The following SPAG16 variants were observed in gnomAD, a reference collection of about 807,000 sequenced individuals.
The protein encoded by SPAG16 is sperm associated antigen 16.
A neutral mutation model predicts 80.4 loss-of-function variants in SPAG16; 86 were observed. The observed-to-expected ratio is 1.07, with a 90% confidence interval of 0.90 to 1.28. The LOEUF is 1.28. Among genes scored for constraint, SPAG16 ranks in the 50% most tolerant of loss-of-function variants. The pLI is 0.00. For synonymous variants in SPAG16, 294 were observed against 265.9 expected (o/e 1.11, Z -1.03); for missense variants, 870 against 765.3 (o/e 1.14, Z -1.61).
intron 11 of SPAG16, among the ~76,000 whole-genome samples, chr2:213,908,561 A>G (rs1483926363): frequency 6.6e-6 from 1 of 152,118 alleles, no homozygotes; most frequent in African/African-American, 2.4e-5. Context: ...TAACGCTGAA[A>G]TCTACCTCTC....
At chr2:213,588,771 C>T (rs1251498332) in intron 10 of SPAG16, among the ~76,000 whole-genome samples, 53 of 126,772 alleles carry the variant, frequency 4.2e-4, no homozygotes, top group African/African-American at 1.4e-3. Context: ...CACTGCAGTC[C>T]GCAGTCCGGC....
chr2:214,280,198 T>C (rs1317874703), intron 15 of SPAG16, among the ~76,000 whole-genome samples: 2 of 152,182 alleles, frequency 1.3e-5, no homozygotes, highest in Non-Finnish European at 2.9e-5. Flanking sequence ...TAATTCACCA[T>C]GCGAACTAAA....
chr2:213,581,547 AAC>A (rs2060297823), intron 10 of SPAG16, among the ~76,000 whole-genome samples: 1 of 152,044 alleles, frequency 6.6e-6, no homozygotes, highest in South Asian at 2.1e-4. Flanking sequence ...TTCTTCAGAA[AAC>A]CACCCTTGAT....
At chr2:214,278,591 A>G (rs1208072217) in intron 15 of SPAG16, among the ~76,000 whole-genome samples, 1 of 152,184 alleles carries the variant, frequency 6.6e-6, no homozygotes, top group Non-Finnish European at 1.5e-5. Flanking sequence ...TAAATGCCTT[A>G]TAAATCTTGA....
At chr2:213,715,543 G>C (rs2066205954) in intron 10 of SPAG16, among the ~76,000 whole-genome samples, 1 of 152,100 alleles carries the variant, frequency 6.6e-6, no homozygotes, top group South Asian at 2.1e-4. Flanking sequence ...CTGTTCCTCT[G>C]GCATCTTATC....
intron 15 of SPAG16, among the ~76,000 whole-genome samples, chr2:214,155,292 C>T (rs1459923499): frequency 6.6e-6 from 1 of 152,290 alleles, no homozygotes; most frequent in East Asian, 1.9e-4. Context: ...TTTGTGTTCG[C>T]ACCAACAAGA....
At chr2:213,457,880 T>C (rs188232449) in intron 9 of SPAG16, among the ~76,000 whole-genome samples, 27 of 127,034 alleles carry the variant, frequency 2.1e-4, no homozygotes, top group Admixed American at 2.0e-3. Context: ...TCTTCTTTTA[T>C]TTTTTTTTTC....
chr2:213,353,019 C>G (rs1302352722), intron 7 of SPAG16, among the ~76,000 whole-genome samples: 4 of 152,134 alleles, frequency 2.6e-5, no homozygotes, highest in Admixed American at 6.6e-5. Context: ...TTTTATTCTT[C>G]CCCAGATGGT....
At chr2:213,915,135 T>G (rs915583065) in intron 11 of SPAG16, among the ~76,000 whole-genome samples, 5 of 152,046 alleles carry the variant, frequency 3.3e-5, no homozygotes, top group African/African-American at 4.8e-5. Flanking sequence ...ACCTCTTTTT[T>G]TTTTTTAATT....
chr2:214,145,399 A>T lies in SPAG16; in HGVS notation c.1594-3741A>T, dbSNP rs923302652. On this transcript the variant is annotated intron_variant, in intron 14 of 15. Coordinates refer to ENST00000331683, the MANE Select transcript of SPAG16 (RefSeq NM_024532.5). ...TAAATAATGCTACATTGGTTTTTTCATAATACATTTTTCTTTAATTTATAA... is the reference window on the plus strand; with the variant it reads ...TAAATAATGCTACATTGGTTTTTTCTTAATACATTTTTCTTTAATTTATAA... Among the ~76,000 whole-genome samples, 3 of 152,200 alleles carry T rather than the reference A, an allele frequency of 2.0e-5. No homozygotes were observed. The East Asian group carries it at 5.8e-4, about 29-fold the overall frequency.
chr2:214,047,347 A>C (rs2049384506), intron 13 of SPAG16, among the ~76,000 whole-genome samples: 1 of 152,178 alleles, frequency 6.6e-6, no homozygotes, highest in Non-Finnish European at 1.5e-5. Context: ...AAGCAGGTAC[A>C]TAGACCAATG....
chr2:213,696,563 G>A (rs186898165), intron 10 of SPAG16, among the ~76,000 whole-genome samples: 5 of 152,216 alleles, frequency 3.3e-5, no homozygotes, highest in Admixed American at 2.0e-4. Flanking sequence ...AGCAAGATAG[G>A]TGAAAAGACA....
At chr2:214,115,220 C>A (rs1237683810) in intron 14 of SPAG16, among the ~76,000 whole-genome samples, 1 of 152,282 alleles carries the variant, frequency 6.6e-6, no homozygotes, top group South Asian at 2.1e-4. Flanking sequence ...GGTTGAGAAG[C>A]AGCTGTGACT....
At chr2:214,362,356 T>G (rs754807423) in intron 15 of SPAG16, among the ~76,000 whole-genome samples, 6 of 151,914 alleles carry the variant, frequency 3.9e-5, no homozygotes, top group Non-Finnish European at 8.8e-5. Flanking sequence ...GAATTCCATG[T>G]TTAAGGAAGA....
At chr2:213,477,009 A>G (rs1393678914) in intron 9 of SPAG16, among the ~76,000 whole-genome samples, 3 of 152,152 alleles carry the variant, frequency 2.0e-5, no homozygotes, top group Non-Finnish European at 4.4e-5. Flanking sequence ...CCATCTGTGA[A>G]GCTGAGTCGG....
chr2:213,968,865 G>A (rs775261116), intron 12 of SPAG16, among the ~76,000 whole-genome samples: 1 of 152,162 alleles, frequency 6.6e-6, no homozygotes, highest in Non-Finnish European at 1.5e-5. Flanking sequence ...TTTGTACATA[G>A]CACATATATA....
rs150033050 is a variant in SPAG16 at position 214,141,466 on chromosome 2, C to CAA, written c.1594-7662_1594-7661dup. On this transcript the variant is annotated intron_variant, in intron 14 of 15. Transcript: ENST00000331683. Reference sequence around the variant, plus strand: ...CGGGTGACAGAGTGAGACTCGGCCTCAAAAAAAAAAAAACCAAAAAAATTA... The same window carrying CAA: ...CGGGTGACAGAGTGAGACTCGGCCTCAAAAAAAAAAAAAAACCAAAAAAATTA... Among the ~76,000 whole-genome samples, 114 of 136,790 alleles carry CAA rather than the reference C, an allele frequency of 8.3e-4. 1 individual carries two copies. Among genetic ancestry groups the CAA allele is most frequent in the Non-Finnish European group, 1.1e-3 (72 of 64,488 alleles). 89.7% of individuals were successfully genotyped at this position (136,790 alleles called of 152,430 possible).
At chr2:213,725,563 C>T (rs2066730840) in intron 10 of SPAG16, among the ~76,000 whole-genome samples, 1 of 152,022 alleles carries the variant, frequency 6.6e-6, no homozygotes, top group Non-Finnish European at 1.5e-5. Flanking sequence ...ATTGAGATTC[C>T]AAAGAAGGAG....
chr2:213,500,232 C>T (rs2074679219), intron 10 of SPAG16, among the ~76,000 whole-genome samples: 1 of 152,054 alleles, frequency 6.6e-6, no homozygotes, highest in Non-Finnish European at 1.5e-5. Flanking sequence ...TGGATTGAAT[C>T]CATGGGCTTA....
Sources: gnomAD v4.1 joint callset for allele counts (sites outside exome capture counted in the v4.1 genomes callset) on GRCh38, gnomAD v4.1.1 for gene constraint, MANE v1.5 for transcripts, NCBI Gene and HGNC (gene_info 2026-07-23, HGNC 2026-07-21) for gene names.